Variants in EYS observed in about 807,000 individuals in gnomAD.
The protein encoded by EYS is EGF-like photoreceptor maintenance factor, also known as protein eyes shut homolog.
A neutral mutation model predicts 282.1 loss-of-function variants in EYS; 250 were observed. The observed-to-expected ratio is 0.89, with a 90% CI of 0.80 to 0.98. The LOEUF (loss-of-function observed/expected upper bound fraction) is 0.98, where lower values mean the gene tolerates loss of function less well. EYS is among the 50% of genes least tolerant of loss of function. EYS has a pLI of 0.00. For synonymous variants in EYS, 1,355 were observed against 1,282.9 expected (o/e 1.06, Z -1.20); for missense variants, 4,016 against 3,709.0 (o/e 1.08, Z -2.15).
intron 26 of EYS, among the ~76,000 whole-genome samples, chr6:64,451,247 T>C (rs1775325474): frequency 6.6e-6 from 1 of 152,096 alleles, no homozygotes; most frequent in African/African-American, 2.4e-5. Context: ...GCAAATAAAC[T>C]AGAAAATCTA....
intron 22 of EYS, among the ~76,000 whole-genome samples, chr6:64,728,161 CTT>C (rs1771824076): frequency 6.6e-6 from 1 of 152,020 alleles, no homozygotes; most frequent in African/African-American, 2.4e-5. Flanking sequence ...AGGAGCAAAA[CTT>C]TGTGCGGACC....
chr6:65,572,642 C>T (rs993116561), intron 2 of EYS, among the ~76,000 whole-genome samples: 1 of 152,044 alleles, frequency 6.6e-6, no homozygotes, highest in Non-Finnish European at 1.5e-5. Context: ...ACAGGCGATA[C>T]CATGTAGTCT....
intron 28 of EYS, among the ~76,000 whole-genome samples, chr6:64,428,640 T>G (rs1774485739): frequency 1.3e-5 from 2 of 152,164 alleles, no homozygotes; most frequent in Admixed American, 6.6e-5. Flanking sequence ...AGGGCATACA[T>G]TTGTATGGCT....
At chr6:64,113,627 G>C (rs189157702) in intron 31 of EYS, among the ~76,000 whole-genome samples, 1 of 152,094 alleles carries the variant, frequency 6.6e-6, no homozygotes. Context: ...CCTGTGTTAC[G>C]GCAGGACTAG....
chr6:65,593,694 C>T (rs1008546036), intron 2 of EYS, among the ~76,000 whole-genome samples: 6 of 151,878 alleles, frequency 4.0e-5, no homozygotes, highest in Non-Finnish European at 8.8e-5. Context: ...TCATGTATTT[C>T]CCACGATATT....
intron 8 of EYS, among the ~76,000 whole-genome samples, chr6:65,375,631 C>CA (rs2150345052): frequency 6.6e-6 from 1 of 151,982 alleles, no homozygotes; most frequent in African/African-American, 2.4e-5. Context: ...AGAACCTTGA[C>CA]AAAAGGATAC....
At chr6:64,114,217 A>G (rs1773302737) in intron 31 of EYS, among the ~76,000 whole-genome samples, 1 of 152,214 alleles carries the variant, frequency 6.6e-6, no homozygotes, top group East Asian at 1.9e-4. Flanking sequence ...AGAAGTTATA[A>G]TTATTGAAAT....
At chr6:64,902,728 C>T (rs1007944359) in intron 16 of EYS, among the ~76,000 whole-genome samples, 1 of 152,040 alleles carries the variant, frequency 6.6e-6, no homozygotes, top group African/African-American at 2.4e-5. Flanking sequence ...GAGGAATACT[C>T]CACTAAATCC....
chr6:63,723,407 G>T (rs781746335), intron 42 of EYS, among the ~76,000 whole-genome samples: 1 of 152,132 alleles, frequency 6.6e-6, no homozygotes, highest in Non-Finnish European at 1.5e-5. Context: ...GCCTGCAAGT[G>T]AACACAAACC....
chr6:65,650,324 G>A (rs1237676173), intron 1 of EYS, among the ~76,000 whole-genome samples: 1 of 152,110 alleles, frequency 6.6e-6, no homozygotes. Context: ...GAGGTCTGAA[G>A]GTTATAAGGC....
chr6:65,596,766 A>G (rs150434616), intron 2 of EYS, among the ~76,000 whole-genome samples: 61 of 152,248 alleles, frequency 4.0e-4, no homozygotes, highest in Non-Finnish European at 7.6e-4. Context: ...AAAACTAGAA[A>G]TATTCATTAC....
chr6:64,130,245 G>A (rs1582313607), intron 31 of EYS, among the ~76,000 whole-genome samples: 1 of 152,276 alleles, frequency 6.6e-6, no homozygotes, highest in South Asian at 2.1e-4. Context: ...GTCCAACAAC[G>A]ATCGACTGGA....
intron 22 of EYS, among the ~76,000 whole-genome samples, chr6:64,734,339 T>A (rs1772108422): frequency 6.6e-6 from 1 of 152,198 alleles, no homozygotes; most frequent in Admixed American, 6.5e-5. Flanking sequence ...TTTATTTTTT[T>A]TTTAAGTTTT....
At chr6:65,555,681 A>G (rs1047602005) in intron 2 of EYS, among the ~76,000 whole-genome samples, 6 of 152,300 alleles carry the variant, frequency 3.9e-5, no homozygotes, top group Admixed American at 6.5e-5. Flanking sequence ...TTGTTGGCAA[A>G]TTAATAACTG....
At chr6:65,341,023 T>C (rs576471627) in intron 10 of EYS, among the ~76,000 whole-genome samples, 1 of 150,962 alleles carries the variant, frequency 6.6e-6, no homozygotes, top group East Asian at 2.0e-4. Context: ...TTCTTAAGAA[T>C]AAAAAAAATT....
At chr6:65,679,841 C>T (rs189629630) in intron 1 of EYS, among the ~76,000 whole-genome samples, 363 of 151,914 alleles carry the variant, frequency 2.4e-3, no homozygotes, top group African/African-American at 8.3e-3. Context: ...AATCTCAAGT[C>T]GTACAATAGC....
chr6:64,998,334 A>G, intron 13 of EYS, among the ~76,000 whole-genome samples: 1 of 152,220 alleles, frequency 6.6e-6, no homozygotes. Flanking sequence ...AGCAGGCACC[A>G]ATTTATAACT....
At chr6:65,393,842 C>T (rs1340318104) in intron 7 of EYS, among the ~76,000 whole-genome samples, 1 of 146,758 alleles carries the variant, frequency 6.8e-6, no homozygotes, top group Admixed American at 6.8e-5. Context: ...GAGTAGAAAA[C>T]AAAAAAAAAC....
At chr6:63,722,683 T>C (rs768252425) in intron 42 of EYS, among the ~76,000 whole-genome samples, 11 of 152,294 alleles carry the variant, frequency 7.2e-5, no homozygotes, top group East Asian at 1.9e-4. Flanking sequence ...TCCCAACCTT[T>C]TTCTTTTCTC....
Sources: gnomAD v4.1 joint callset for allele counts (sites outside exome capture counted in the v4.1 genomes callset) on GRCh38, gnomAD v4.1.1 for gene constraint, MANE v1.5 for transcripts, NCBI Gene and HGNC (gene_info 2026-07-23, HGNC 2026-07-21) for gene names.